The following STX8 variants were observed in gnomAD, a reference collection of about 807,000 sequenced individuals.
STX8 encodes syntaxin-8.
In STX8, 23 loss-of-function variants were observed where a neutral mutation model predicts 37.5. That is an observed-to-expected ratio of 0.61 (90% CI 0.44 to 0.87). The LOEUF (loss-of-function observed/expected upper bound fraction) is 0.87. Ranked by LOEUF, STX8 falls within the 40% of genes least tolerant of loss-of-function variation. STX8 has a pLI of 0.00. For missense variants in STX8, 313 were observed against 284.7 expected (o/e 1.10, Z -0.71); for synonymous variants, 115 against 99.1 (o/e 1.16, Z -0.95).
chr17:9,481,610 G>T (rs1906348252), intron 6 of STX8, among the ~76,000 whole-genome samples: 1 of 152,058 alleles, frequency 6.6e-6, no homozygotes, highest in African/African-American at 2.4e-5. Context: ...AAACCACATG[G>T]CATCATACTA....
chr17:9,339,427 G>C (rs1196542567), intron 7 of STX8, among the ~76,000 whole-genome samples: 1 of 152,146 alleles, frequency 6.6e-6, no homozygotes, highest in East Asian at 1.9e-4. Context: ...GGCCGAGGCA[G>C]GTGGATCACG....
intron 4 of STX8, among the ~76,000 whole-genome samples, chr17:9,525,436 T>A (rs1905526914): frequency 6.6e-6 from 1 of 151,606 alleles, no homozygotes; most frequent in African/African-American, 2.4e-5. Flanking sequence ...AAGCTCCACC[T>A]CCTGGGTTCA....
At chr17:9,511,455 C>T (rs190992484) in intron 4 of STX8, among the ~76,000 whole-genome samples, 88 of 152,170 alleles carry the variant, frequency 5.8e-4, no homozygotes, top group Admixed American at 1.8e-3. Context: ...TCAACATACA[C>T]AAATCAATAA....
chr17:9,458,033 T>C (rs1905230207), intron 6 of STX8, among the ~76,000 whole-genome samples: 1 of 152,230 alleles, frequency 6.6e-6, no homozygotes, highest in Non-Finnish European at 1.5e-5. Flanking sequence ...TAACTAAAGG[T>C]CCAGTACTTA....
intron 7 of STX8, among the ~76,000 whole-genome samples, chr17:9,323,313 A>T (rs547198090): frequency 3.9e-5 from 6 of 152,196 alleles, no homozygotes; most frequent in Non-Finnish European, 7.3e-5. Context: ...AGGGGGAAAA[A>T]ATCAATTAAA....
intron 6 of STX8, among the ~76,000 whole-genome samples, chr17:9,474,256 GTCCCCGAGTTGGA>G (rs1476947804): frequency 6.6e-6 from 1 of 152,140 alleles, no homozygotes; most frequent in Non-Finnish European, 1.5e-5. Flanking sequence ...CCATTTGACT[GTCCCCGAGTTGGA>G]TCCTTTTAAT....
chr17:9,328,224 C>T (rs1441173627), intron 7 of STX8, among the ~76,000 whole-genome samples: 1 of 151,930 alleles, frequency 6.6e-6, no homozygotes, highest in Admixed American at 6.6e-5. Context: ...GAGTTATATA[C>T]CTAGGTTTTT....
At chr17:9,362,866 A>C (rs1004364617) in intron 7 of STX8, among the ~76,000 whole-genome samples, 1 of 116,814 alleles carries the variant, frequency 8.6e-6, no homozygotes, top group Non-Finnish European at 2.1e-5. Context: ...TAAATAAATA[A>C]TCTCTTTCTT....
intron 7 of STX8, among the ~76,000 whole-genome samples, chr17:9,363,665 C>T (rs149604332): frequency 5.3e-5 from 8 of 152,210 alleles, no homozygotes; most frequent in South Asian, 2.1e-4. Flanking sequence ...AAGGCCCACA[C>T]GGTGTAATTA....
At chr17:9,374,226 C>T (rs148960347) in intron 7 of STX8, among the ~76,000 whole-genome samples, 1,964 of 151,920 alleles carry the variant, frequency 0.013, 59 homozygotes, top group African/African-American at 0.045. Flanking sequence ...GGACTACAGG[C>T]GTGTACCACC....
intron 7 of STX8, among the ~76,000 whole-genome samples, chr17:9,260,529 C>A (rs1906973797): frequency 6.6e-6 from 1 of 152,040 alleles, no homozygotes; most frequent in Non-Finnish European, 1.5e-5. Flanking sequence ...GAGGCTGAGG[C>A]AGGAAAATTG....
intron 6 of STX8, among the ~76,000 whole-genome samples, chr17:9,430,649 C>CTTTTTTTTTTTTTTTTTTTTTTTTT (rs34803730): frequency 8.3e-6 from 1 of 120,904 alleles, no homozygotes; most frequent in Non-Finnish European, 1.8e-5. Context: ...GTGGTTTTGG[C>CTTTTTTTTTTTTTTTTTTTTTTTTT]TTTTTTTTTT....
At chr17:9,513,406 G>A (rs891234399) in intron 4 of STX8, among the ~76,000 whole-genome samples, 1 of 150,672 alleles carries the variant, frequency 6.6e-6, no homozygotes, top group African/African-American at 2.4e-5. Flanking sequence ...ACACAAATGC[G>A]CCAACAAATA....
At chr17:9,435,130 G>T (rs1397338293) in intron 6 of STX8, among the ~76,000 whole-genome samples, 3 of 152,182 alleles carry the variant, frequency 2.0e-5, no homozygotes, top group Admixed American at 6.5e-5. Context: ...TTGAAAATAA[G>T]TTGGAGGGTG....
At chr17:9,500,179 A>G (rs910056459) in intron 5 of STX8, among the ~76,000 whole-genome samples, 2 of 152,208 alleles carry the variant, frequency 1.3e-5, no homozygotes, top group African/African-American at 2.4e-5. Flanking sequence ...TTTCACTGTG[A>G]AAAGGGAATT....
chr17:9,380,473 C>G (rs1911758557), intron 6 of STX8, among the ~76,000 whole-genome samples: 1 of 151,662 alleles, frequency 6.6e-6, no homozygotes, highest in South Asian at 2.1e-4. Flanking sequence ...AGGCTGGTCT[C>G]AAACTCCTGG....
intron 7 of STX8, among the ~76,000 whole-genome samples, chr17:9,349,977 A>G (rs1236259903): frequency 6.6e-6 from 1 of 152,108 alleles, no homozygotes; most frequent in African/African-American, 2.4e-5. Flanking sequence ...GCCTGAAGCA[A>G]TCCTCACACT....
intron 7 of STX8, among the ~76,000 whole-genome samples, chr17:9,365,181 T>C (rs1911192017): frequency 6.6e-6 from 1 of 152,258 alleles, no homozygotes; most frequent in South Asian, 2.1e-4. Flanking sequence ...TTTATGTGAA[T>C]TTATTGTCAA....
chr17:9,460,199 A>C (rs1190970460), intron 6 of STX8, among the ~76,000 whole-genome samples: 2 of 152,180 alleles, frequency 1.3e-5, no homozygotes, highest in African/African-American at 4.8e-5. Flanking sequence ...GGGTTAAAAA[A>C]AACTTTCATA....
Sources: allele counts gnomAD v4.1 joint callset (sites outside exome capture counted in the v4.1 genomes callset), GRCh38; gene constraint gnomAD v4.1.1; transcripts MANE v1.5; gene names NCBI Gene and HGNC (gene_info 2026-07-23, HGNC 2026-07-21).